Variants in LRBA observed in about 807,000 individuals in gnomAD.
LRBA encodes LPS responsive beige-like anchor protein.
LRBA carries 176 observed loss-of-function variants against 330.0 expected under a neutral mutation model. That is an observed-to-expected ratio of 0.53 (90% CI 0.47 to 0.60). The LOEUF (loss-of-function observed/expected upper bound fraction) is 0.60, where lower values mean the gene tolerates loss of function less well. Ranked by LOEUF, LRBA falls within the 20% of genes least tolerant of loss-of-function variation. The probability of loss-of-function intolerance (pLI) is 0.00; values close to 1 mark genes in which losing one functional copy is unlikely to be tolerated. For missense variants in LRBA, 3,259 were observed against 3,444.8 expected (o/e 0.95, Z 1.35); for synonymous variants, 1,230 against 1,193.0 (o/e 1.03, Z -0.64).
chr4:150,493,628 A>G (rs1759225510), intron 40 of LRBA, among the ~76,000 whole-genome samples: 1 of 152,012 alleles, frequency 6.6e-6, no homozygotes, highest in South Asian at 2.1e-4. Flanking sequence ...ATTGGCATGC[A>G]CTCTCCATTT....
intron 28 of LRBA, among the ~76,000 whole-genome samples, chr4:150,843,171 A>G (rs1175758392): frequency 6.6e-6 from 1 of 152,160 alleles, no homozygotes; most frequent in Non-Finnish European, 1.5e-5. Flanking sequence ...CCCTGATAAG[A>G]GCATCCAGTA....
Position 150,566,815 on chromosome 4 carries a change from G to C in LRBA, c.6330+21233C>G, listed in dbSNP as rs1030969604. 1.3e-5 allele frequency among the ~76,000 whole-genome samples: 2 copies of C among 152,022 alleles called. 1 individual carries two copies. The highest frequency in any genetic ancestry group is 2.9e-5 in the Non-Finnish European group (2 of 67,964). ...AAAGTACTTCAGCACTTATGAAATA[G>C]AATGCCATCATCTTCCGTATAAAAG... On this transcript the variant is annotated intron_variant, in intron 40 of 56. Transcript: ENST00000651943.
intron 42 of LRBA, among the ~76,000 whole-genome samples, chr4:150,485,838 T>C (rs771777808): frequency 2.0e-5 from 3 of 151,912 alleles, no homozygotes; most frequent in African/African-American, 4.8e-5. Context: ...TTTATTAAGG[T>C]AGTGTTTGCA....
chr4:150,987,139 A>G (rs75442380), intron 2 of LRBA, among the ~76,000 whole-genome samples: 1,758 of 152,314 alleles, frequency 0.012, 29 homozygotes, highest in Non-Finnish European at 0.014. Context: ...ATTAATTGGC[A>G]TTTCCAGCTA....
At chr4:150,420,190 C>G (rs1057238696) in intron 46 of LRBA, among the ~76,000 whole-genome samples, 1 of 149,574 alleles carries the variant, frequency 6.7e-6, no homozygotes, top group African/African-American at 2.4e-5. Context: ...GAGCTGTGTT[C>G]ACACTACTGC....
At chr4:150,860,594 G>A (rs189830007) in intron 22 of LRBA, among the ~76,000 whole-genome samples, 2 of 152,274 alleles carry the variant, frequency 1.3e-5, no homozygotes, top group Admixed American at 6.5e-5. Flanking sequence ...TTGGGAGGCT[G>A]AGGCGCGTGG....
chr4:150,649,449 C>T (rs1779506748), intron 37 of LRBA, among the ~76,000 whole-genome samples: 1 of 152,156 alleles, frequency 6.6e-6, no homozygotes, highest in African/African-American at 2.4e-5. Context: ...ACTTATCTTC[C>T]TTCAACCTGA....
At chr4:150,401,972 T>C (rs1317199724) in intron 47 of LRBA, among the ~76,000 whole-genome samples, 1 of 150,608 alleles carries the variant, frequency 6.6e-6, no homozygotes, top group East Asian at 2.0e-4. Flanking sequence ...GGGAAAAAGG[T>C]TAACAATAGT....
chr4:150,717,018 C>CACTTAATA (rs1728287659), intron 36 of LRBA, among the ~76,000 whole-genome samples: 2 of 152,172 alleles, frequency 1.3e-5, no homozygotes, highest in Admixed American at 1.3e-4. Flanking sequence ...TGTACTAAAT[C>CACTTAATA]ACTTAATAGA....
chr4:150,456,369 T>C (rs1025981349), intron 44 of LRBA, among the ~76,000 whole-genome samples: 11 of 152,132 alleles, frequency 7.2e-5, no homozygotes, highest in Non-Finnish European at 1.3e-4. Context: ...GCCATTTTAA[T>C]TGGAGTGAGA....
chr4:150,689,811 G>C (rs1783957004), intron 36 of LRBA, among the ~76,000 whole-genome samples: 1 of 152,126 alleles, frequency 6.6e-6, no homozygotes, highest in African/African-American at 2.4e-5. Context: ...TTTAGTCCTA[G>C]CTACTTGGGA....
chr4:150,301,671 G>T (rs1431426653), intron 53 of LRBA, among the ~76,000 whole-genome samples: 1 of 152,066 alleles, frequency 6.6e-6, no homozygotes, highest in East Asian at 1.9e-4. Context: ...AGATATGATG[G>T]ACTTAAACAT....
chr4:150,561,116 T>C (rs112043672), intron 40 of LRBA, among the ~76,000 whole-genome samples: 2 of 152,334 alleles, frequency 1.3e-5, no homozygotes, highest in African/African-American at 4.8e-5. Context: ...CAAGTTTTAT[T>C]ACATGCTTAT....
intron 41 of LRBA, among the ~76,000 whole-genome samples, chr4:150,489,344 A>AT (rs1758474117): frequency 1.3e-5 from 1 of 77,640 alleles, no homozygotes; most frequent in Non-Finnish European, 2.3e-5. Flanking sequence ...ATAAGAATAT[A>AT]AAATATATTA....
At chr4:150,514,453 C>T (rs1199838742) in intron 40 of LRBA, among the ~76,000 whole-genome samples, 1 of 152,082 alleles carries the variant, frequency 6.6e-6, no homozygotes. Flanking sequence ...CCAGTATAGC[C>T]CCACTCTGGC....
intron 17 of LRBA, among the ~76,000 whole-genome samples, chr4:150,881,545 A>C (rs1390117113): frequency 6.6e-6 from 1 of 152,176 alleles, no homozygotes; most frequent in African/African-American, 2.4e-5. Flanking sequence ...GAAAAGGTTG[A>C]AAAACTTAAC....
In LRBA at chr4:150,984,711, TTG is replaced by T. The variant is rs769679112; in HGVS notation, c.216+29714_216+29715del. Among the ~76,000 whole-genome samples, 103 of 152,242 alleles carry T rather than the reference TTG, an allele frequency of 6.8e-4. 1 individual carries two copies. Among genetic ancestry groups the T allele is most frequent in the Non-Finnish European group, 1.4e-3 (95 of 68,014 alleles). ...CTGTGCCTTGACTTTCCAAATAAAT[TTG>T]TGTGTGTGTCTGTAACAGAATGAGA... On this transcript the variant is annotated intron_variant, in intron 2 of 56. Transcript: ENST00000651943.
At chr4:150,795,103 T>A (rs1173068924) in intron 34 of LRBA, among the ~76,000 whole-genome samples, 1 of 152,116 alleles carries the variant, frequency 6.6e-6, no homozygotes, top group Non-Finnish European at 1.5e-5. Context: ...GGTAGTGTTA[T>A]TGGAATGTAT....
Position 150,828,271 on chromosome 4 carries a change from T to C in LRBA, c.5080A>G (p.Thr1694Ala). ...GGTGGCAGAAGGGCAGGATCCACTGTGACTCCATCTGCTGGTATGTTAACC... is the reference window on the plus strand; with the variant it reads ...GGTGGCAGAAGGGCAGGATCCACTGCGACTCCATCTGCTGGTATGTTAACC... ...SLVNIPADGV[T>A]VDPALLPPAC... The change falls in exon 30 of 57, where the codon ACA (threonine) becomes GCA (alanine). Residue 1694 changes from threonine (T) to alanine (A), a missense_variant. Coordinates refer to ENST00000651943, the MANE Select transcript of LRBA (RefSeq NM_001364905.1). 6.2e-7 allele frequency: 1 copy of C among 1,614,184 alleles called. No homozygotes were observed. Among genetic ancestry groups the C allele is most frequent in the Non-Finnish European group, 8.5e-7 (1 of 1,180,012 alleles).
Sources: gnomAD v4.1 joint callset for allele counts (sites outside exome capture counted in the v4.1 genomes callset) on GRCh38, gnomAD v4.1.1 for gene constraint, MANE v1.5 for transcripts, NCBI Gene and HGNC (gene_info 2026-07-23, HGNC 2026-07-21) for gene names.